TUSC3: variants seen among roughly 807,000 people sequenced by gnomAD.
TUSC3 encodes the protein dolichyl-diphosphooligosaccharide--protein glycosyltransferase subunit TUSC3.
In TUSC3, 45 loss-of-function variants were observed where a neutral mutation model predicts 44.8. The ratio of observed to expected loss-of-function variants is 1.00; its 90% CI spans 0.79 to 1.29. The LOEUF (loss-of-function observed/expected upper bound fraction) is 1.29, where lower values mean the gene tolerates loss of function less well. Ranked by LOEUF, TUSC3 falls within the 50% of genes most tolerant of loss-of-function variation. TUSC3 has a pLI of 0.00. For missense variants in TUSC3, 519 were observed against 437.9 expected (o/e 1.19, Z -1.65); for synonymous variants, 212 against 152.9 (o/e 1.39, Z -2.85).
chr8:15,761,122 A>G (rs1167823708), intron 10 of TUSC3, among the ~76,000 whole-genome samples: 1 of 152,182 alleles, frequency 6.6e-6, no homozygotes, highest in Non-Finnish European at 1.5e-5. Context: ...GGGCCCTGAG[A>G]TTAAGAAAAT....
chr8:15,562,014 A>C (rs1199270694), intron 1 of TUSC3, among the ~76,000 whole-genome samples: 1 of 152,170 alleles, frequency 6.6e-6, no homozygotes, highest in Non-Finnish European at 1.5e-5. Context: ...CTATTCGGCC[A>C]TCTTGGCTCC....
chr8:15,530,571 A>G (rs1287691915), intron 2 of TUSC3, among the ~76,000 whole-genome samples: 3 of 152,206 alleles, frequency 2.0e-5, no homozygotes, highest in Non-Finnish European at 4.4e-5. Flanking sequence ...AGAGCAAGGA[A>G]TGCAGCTCCA....
In TUSC3 at chr8:15,423,969, G is replaced by GTTTTTGTTTTTGTGTT. The variant is rs1563247134; in HGVS notation, n.91+6669_91+6670insGTTTTTGTGTTTTTTT. On this transcript the variant is annotated intron_variant and non_coding_transcript_variant, in intron 1 of 5. Coordinates refer to the TUSC3 transcript ENST00000503191. ...TACAGCATTCATACTGTTTTGCTTT[G>GTTTTTGTTTTTGTGTT]TTTTTTTTTTTTTTTTTTTTTTTTT... 5.7e-5 allele frequency among the ~76,000 whole-genome samples: 4 copies of GTTTTTGTTTTTGTGTT among 70,362 alleles called. 2 individuals are homozygous for GTTTTTGTTTTTGTGTT. Among genetic ancestry groups the GTTTTTGTTTTTGTGTT allele is most frequent in the African/African-American group, 1.6e-4 (4 of 24,460 alleles). The allele number at this position is 70,362 out of a possible 152,430, so 46.2% of individuals were successfully genotyped here. A position where few individuals can be genotyped will look rare whatever the true frequency, so the allele number is the denominator to read the frequency against.
At position 15,734,033 on chromosome 8, in the gene TUSC3, A is replaced by AC. The variant is rs573613288; in HGVS notation, c.862+3308dup. On this transcript the variant is annotated intron_variant, in intron 7 of 10. Transcript: ENST00000503731. ...ACTTGAATCTGGGCGATAGAGTGAG[A>AC]CCCCGTCTCCAAAAAAGAAGTTATT... Among the ~76,000 whole-genome samples, 72 of 152,226 alleles carry AC rather than the reference A, an allele frequency of 4.7e-4. 2 individuals carry two copies. Among genetic ancestry groups the AC allele is most frequent in the Middle Eastern group, 3.4e-3 (1 of 294 alleles).
intron 1 of TUSC3, among the ~76,000 whole-genome samples, chr8:15,543,032 T>A (rs899406319): frequency 6.6e-6 from 1 of 152,216 alleles, no homozygotes; most frequent in Non-Finnish European, 1.5e-5. Flanking sequence ...TCACAAACTG[T>A]GATCTCTTCC....
chr8:15,748,423 T>A lies in TUSC3; in HGVS notation c.986T>A (p.Leu329Gln). The change falls in exon 9 of 11, where the codon CTA (leucine) becomes CAA (glutamine). Residue 329 changes from leucine (L) to glutamine (Q), a missense_variant. Leu to Gln is a moderately radical substitution (Grantham distance 113). Transcript: ENST00000503731. ...LGLVVFFFSF[L>Q]LSIFRSKYHG... ...CTGGTGGTCTTCTTCTTCAGTTTTC[T>A]ACTTTCAATATTTCGTTCCAAGTAC... is the stretch of plus-strand genomic sequence containing the variant. 2 of 1,613,550 alleles carry A rather than the reference T, an allele frequency of 1.2e-6. No individual in the cohort carries two copies.
chr8:15,808,852 G>C, the TUSC3 span, among the ~76,000 whole-genome samples: 1 of 151,924 alleles, frequency 6.6e-6, no homozygotes, highest in Non-Finnish European at 1.5e-5. Flanking sequence ...AACCTACACA[G>C]GTTGTCTTTT....
the TUSC3 span, among the ~76,000 whole-genome samples, chr8:15,774,952 A>C: frequency 6.6e-6 from 1 of 152,158 alleles, no homozygotes; most frequent in African/African-American, 2.4e-5. Flanking sequence ...ACCATATGAC[A>C]CTGCAGTTCC....
the TUSC3 span, among the ~76,000 whole-genome samples, chr8:15,776,621 C>A: frequency 1.3e-5 from 2 of 152,064 alleles, no homozygotes; most frequent in Admixed American, 1.3e-4. Flanking sequence ...TGTGCTAGAT[C>A]CTCGAATCAA....
chr8:15,798,270 C>A, the TUSC3 span, among the ~76,000 whole-genome samples: 1 of 152,218 alleles, frequency 6.6e-6, no homozygotes, highest in Non-Finnish European at 1.5e-5. Context: ...ACAGTGAACA[C>A]TTCCCCAACC....
At chr8:15,615,196 TGTG>T (rs1262590971) in intron 1 of TUSC3, among the ~76,000 whole-genome samples, 1 of 152,198 alleles carries the variant, frequency 6.6e-6, no homozygotes, top group Non-Finnish European at 1.5e-5. Context: ...ATACCCCTGA[TGTG>T]GAATCAACCT....
intron 2 of TUSC3, among the ~76,000 whole-genome samples, chr8:15,505,203 C>T (rs141982907): frequency 5.4e-4 from 82 of 152,172 alleles, no homozygotes; most frequent in African/African-American, 1.4e-3. Flanking sequence ...GGTTATTTGC[C>T]GCAGCAACTT....
intron 2 of TUSC3, among the ~76,000 whole-genome samples, chr8:15,484,092 T>C (rs1800703932): frequency 6.6e-6 from 1 of 152,228 alleles, no homozygotes; most frequent in African/African-American, 2.4e-5. Flanking sequence ...ATTTTTAATA[T>C]TTACATGCAC....
At chr8:15,833,543 T>G in the TUSC3 span, among the ~76,000 whole-genome samples, 1 of 152,146 alleles carries the variant, frequency 6.6e-6, no homozygotes, top group African/African-American at 2.4e-5. Context: ...TGCAGGAAGA[T>G]GGACGGAGCT....
the TUSC3 span, among the ~76,000 whole-genome samples, chr8:15,793,959 GA>G: frequency 2.0e-3 from 302 of 152,296 alleles, no homozygotes; most frequent in African/African-American, 7.0e-3. Context: ...AGCAAAGTGG[GA>G]AAAGAGAAGA....
rs1163321243 is a variant in TUSC3 at position 15,706,898 on chromosome 8, G to A, written c.799-23768G>A. On this transcript the variant is annotated intron_variant, in intron 6 of 10. Transcript: ENST00000503731. The stretch of plus-strand genomic sequence containing the variant: ...TAAATTTGGGAAGTTAAGTTGTAGG[G>A]CGCAAGAAGTTCATTCAGCCACCCA... Among the ~76,000 whole-genome samples the A allele has an allele frequency of 2.0e-5, 3 of 151,678 alleles. No individual in the cohort carries two copies. The East Asian group carries it at 5.8e-4, about 29-fold the overall frequency.
the TUSC3 span, among the ~76,000 whole-genome samples, chr8:15,792,180 T>G: frequency 4.6e-5 from 7 of 152,130 alleles, no homozygotes; most frequent in South Asian, 1.5e-3. Flanking sequence ...AATAATTTAT[T>G]TAATATTATT....
At chr8:15,478,987 G>C (rs1771981061) in intron 1 of TUSC3, among the ~76,000 whole-genome samples, 2 of 152,144 alleles carry the variant, frequency 1.3e-5, no homozygotes, top group African/African-American at 4.8e-5. Flanking sequence ...ACTGGCATGA[G>C]ATGCTATCTC....
At chr8:15,593,995 A>G (rs1803963701) in intron 1 of TUSC3, among the ~76,000 whole-genome samples, 1 of 152,192 alleles carries the variant, frequency 6.6e-6, no homozygotes, top group Non-Finnish European at 1.5e-5. Context: ...TAACTTTGGC[A>G]TGTACTAACG....
Sources: allele counts gnomAD v4.1 joint callset (sites outside exome capture counted in the v4.1 genomes callset), GRCh38; gene constraint gnomAD v4.1.1; transcripts MANE v1.5; gene names NCBI Gene and HGNC (gene_info 2026-07-23, HGNC 2026-07-21).